The following ZYG11B variants were observed in gnomAD, a reference collection of about 807,000 sequenced individuals.
The protein encoded by ZYG11B is protein zyg-11 homolog B.
In ZYG11B, 36 loss-of-function variants were observed where a neutral mutation model predicts 82.4. The ratio of observed to expected loss-of-function variants is 0.44; its 90% CI spans 0.33 to 0.58. The LOEUF is 0.58. ZYG11B is among the 20% of genes least tolerant of loss of function. The pLI, the probability that ZYG11B is intolerant of heterozygous loss-of-function variation, is 0.02. For synonymous variants in ZYG11B, 303 were observed against 312.8 expected, an observed-to-expected ratio of 0.97 and a Z score of 0.33; for missense variants, 552 against 895.6, an observed-to-expected ratio of 0.62 and a Z score of 4.90.
intron 10 of ZYG11B, among the ~76,000 whole-genome samples, chr1:52,804,925 C>T (rs1645128998): frequency 1.3e-5 from 2 of 151,794 alleles, no homozygotes; most frequent in Admixed American, 1.3e-4. Context: ...AGTCTCGTTT[C>T]TACTAAAAAT....
At chr1:52,808,449 C>A (rs1381522733) in intron 10 of ZYG11B, among the ~76,000 whole-genome samples, 3 of 152,100 alleles carry the variant, frequency 2.0e-5, no homozygotes, top group African/African-American at 7.2e-5. Flanking sequence ...TTCATGTTTC[C>A]TATATTTGGG....
chr1:52,726,722 C>T, intron 1 of ZYG11B, 39 bp downstream of exon 1: 1 of 1,448,370 alleles, frequency 6.9e-7, no homozygotes, highest in Non-Finnish European at 9.0e-7. Context: ...AGCCGCCCGC[C>T]ACCCTAGCCC....
rs1033281776 is a variant in ZYG11B, at chr1:52,825,505, G to A, written c.*3876G>A. 11 of 151,968 alleles carry A rather than the reference G, an allele frequency of 7.2e-5. No homozygotes were observed. The highest frequency in any genetic ancestry group is 2.7e-4 in the African/African-American group (11 of 41,360). 9.4% of individuals were successfully genotyped at this position (151,968 alleles called of 1,614,324 possible). A position where few individuals can be genotyped will look rare whatever the true frequency, so the allele number is the denominator to read the frequency against. On this transcript the variant is annotated 3_prime_UTR_variant, in exon 14 of 14. Transcript: ENST00000294353. ...TAAAGCTGCATGGGAATTTGCTTTC[G>A]TGATATATTTCATTTGCAAACTTCT...
intron 8 of ZYG11B, among the ~76,000 whole-genome samples, chr1:52,800,973 A>T (rs1239047197): frequency 6.6e-6 from 1 of 152,192 alleles, no homozygotes; most frequent in Non-Finnish European, 1.5e-5. Context: ...TTTACCTCCA[A>T]AAGTATAATC....
intron 10 of ZYG11B, among the ~76,000 whole-genome samples, chr1:52,813,168 G>A (rs1645198591): frequency 6.6e-6 from 1 of 152,078 alleles, no homozygotes; most frequent in African/African-American, 2.4e-5. Context: ...CTACTTTCTG[G>A]TAGTTCTTTC....
At chr1:52,804,338 T>C (rs562182) in intron 10 of ZYG11B, among the ~76,000 whole-genome samples, 90,209 of 151,908 alleles carry the variant, frequency 0.59, 29,489 homozygotes, top group East Asian at 0.97. Context: ...GAAGGCCGAG[T>C]ATAGTGGCTC....
intron 5 of ZYG11B, among the ~76,000 whole-genome samples, chr1:52,786,554 A>G (rs773367494): frequency 2.0e-5 from 3 of 151,390 alleles, no homozygotes; most frequent in Non-Finnish European, 2.9e-5. Flanking sequence ...TTCAAGACCA[A>G]CTTGGGCAAC....
At chr1:52,808,017 A>G in intron 10 of ZYG11B, among the ~76,000 whole-genome samples, 1 of 152,200 alleles carries the variant, frequency 6.6e-6, no homozygotes, top group East Asian at 1.9e-4. Flanking sequence ...TGTCATCATT[A>G]TCTTTGTACT....
At chr1:52,806,526 A>G (rs1158601395) in intron 10 of ZYG11B, among the ~76,000 whole-genome samples, 1 of 152,146 alleles carries the variant, frequency 6.6e-6, no homozygotes, top group African/African-American at 2.4e-5. Context: ...ATTTAGAATT[A>G]TGTCCTCCTG....
rs1441439674 is a variant in ZYG11B, at chr1:52,763,169, G to T, written c.196+6546G>T. ...GTGTGGTCTATGTGTTTATTTTTAT[G>T]TTGGTAATTTGCTGTTTTGGTTACT... On this transcript the variant is annotated intron_variant, in intron 2 of 13. Transcript: ENST00000294353. Among the ~76,000 whole-genome samples the T allele has an allele frequency of 2.0e-5, 3 of 152,030 alleles. No individual in the cohort carries two copies. The East Asian group carries it at 5.8e-4, about 29-fold the overall frequency.
At chr1:52,821,286 A>T (rs1645281055) in intron 13 of ZYG11B, among the ~76,000 whole-genome samples, 153 bp from the exon 14 acceptor site, 1 of 152,052 alleles carries the variant, frequency 6.6e-6, no homozygotes, top group African/African-American at 2.4e-5. Flanking sequence ...ATCAGTATAG[A>T]GGTTATTTAT....
At chr1:52,758,491 C>A (rs1644599377) in intron 2 of ZYG11B, among the ~76,000 whole-genome samples, 1 of 152,124 alleles carries the variant, frequency 6.6e-6, no homozygotes, top group Non-Finnish European at 1.5e-5. Context: ...AGTCCTAATT[C>A]ATGTGCAAGT....
rs1645328821 is a variant in ZYG11B at position 52,826,804 on chromosome 1, A to G, written c.*5175A>G. The G allele has an allele frequency of 6.6e-6, 1 of 152,204 alleles. No individual in the cohort carries two copies. The highest frequency in any genetic ancestry group is 2.4e-5 in the African/African-American group (1 of 41,458). The allele number at this position is 152,204 out of a possible 1,614,324, so 9.4% of individuals were successfully genotyped here. On this transcript the variant is annotated 3_prime_UTR_variant, in exon 14 of 14. Transcript: ENST00000294353. Reference sequence around the variant, plus strand: ...TTATTTTGTGGGAAATCATCAATCTATTTTATTAATGTTATGTGTTTAATT... The same window carrying G: ...TTATTTTGTGGGAAATCATCAATCTGTTTTATTAATGTTATGTGTTTAATT...
intron 10 of ZYG11B, among the ~76,000 whole-genome samples, chr1:52,813,264 G>A (rs1402177949): frequency 6.6e-6 from 1 of 152,136 alleles, no homozygotes; most frequent in East Asian, 1.9e-4. Context: ...TGAGTGTGGA[G>A]CTTTGTCCTT....
chr1:52,803,145 TATATATATACAC>T lies in ZYG11B; in HGVS notation c.1695+1016_1695+1027del, dbSNP rs1216684715. Among the ~76,000 whole-genome samples the T allele has an allele frequency of 2.8e-4, 21 of 75,090 alleles. 1 individual carries two copies. Among genetic ancestry groups the T allele is most frequent in the African/African-American group, 7.4e-4 (11 of 14,772 alleles). The allele number at this position is 75,090 out of a possible 152,430, so 49.3% of individuals were successfully genotyped here. On this transcript the variant is annotated intron_variant, in intron 10 of 13. Transcript: ENST00000294353. ...ACACATATATATATACACACATATA[TATATATATACAC>T]ATATATATATACACACATATATATA...
chr1:52,742,545 C>A (rs1440648624), intron 1 of ZYG11B, among the ~76,000 whole-genome samples: 2 of 151,688 alleles, frequency 1.3e-5, no homozygotes, highest in Non-Finnish European at 2.9e-5. Flanking sequence ...TTTGTTACTT[C>A]AAGAGTCAAA....
rs1645285403 is a variant in ZYG11B, at chr1:52,821,670, T to C, written c.*41T>C. The C allele has an allele frequency of 6.5e-7, 1 of 1,544,676 alleles. No homozygotes were observed. The highest frequency in any genetic ancestry group is 1.4e-5 in the African/African-American group (1 of 73,030). Reference sequence around the variant, plus strand: ...GATAGTTGAATCACAGGAATCCTTTTTGTGATTGGTCCATTTGGAATATCT... The same window carrying C: ...GATAGTTGAATCACAGGAATCCTTTCTGTGATTGGTCCATTTGGAATATCT... On this transcript the variant is annotated 3_prime_UTR_variant, in exon 14 of 14. Coordinates refer to ENST00000294353, the MANE Select transcript of ZYG11B (RefSeq NM_024646.3).
Position 52,776,229 on chromosome 1 carries a change from A to AATATAT in ZYG11B, c.952-3613_952-3608dup, listed in dbSNP as rs1293809937. 1.4e-3 allele frequency among the ~76,000 whole-genome samples: 34 copies of AATATAT among 23,528 alleles called. 8 individuals are homozygous for AATATAT. The highest frequency in any genetic ancestry group is 2.7e-3 in the Non-Finnish European group (23 of 8,656). 15.4% of individuals were successfully genotyped at this position (23,528 alleles called of 152,430 possible). Reference sequence around the variant, plus strand: ...AGCAAAACTCTGTCTTAAAAAAAAAAATATATATATATATATGCAATAAAG... The same window carrying AATATAT: ...AGCAAAACTCTGTCTTAAAAAAAAAAATATATATATATATATATATATGCAATAAAG... On this transcript the variant is annotated intron_variant, in intron 3 of 13. Transcript: ENST00000294353.
intron 10 of ZYG11B, among the ~76,000 whole-genome samples, chr1:52,802,671 T>C (rs1055565510): frequency 4.6e-5 from 7 of 151,416 alleles, no homozygotes; most frequent in African/African-American, 1.7e-4. Flanking sequence ...TGACAATTTC[T>C]AGGCGAATGA....
Sources: allele counts gnomAD v4.1 joint callset (sites outside exome capture counted in the v4.1 genomes callset), GRCh38; gene constraint gnomAD v4.1.1; transcripts MANE v1.5; gene names NCBI Gene and HGNC (gene_info 2026-07-23, HGNC 2026-07-21).